Variants in SMARCAD1 observed in about 807,000 individuals in gnomAD.
The protein encoded by SMARCAD1 is SWI/SNF-related matrix-associated actin-dependent regulator of chromatin subfamily A containing DEAD/H box 1.
A neutral mutation model predicts 127.1 loss-of-function variants in SMARCAD1; 25 were observed. The observed-to-expected ratio is 0.20, with a 90% CI of 0.14 to 0.27. SMARCAD1 has a LOEUF of 0.27. SMARCAD1 is among the 10% of genes least tolerant of loss of function. The pLI, the probability that SMARCAD1 is intolerant of heterozygous loss-of-function variation, is 1.00. For missense variants in SMARCAD1, 807 were observed against 1,206.0 expected (o/e 0.67, Z 4.90); for synonymous variants, 400 against 396.9 (o/e 1.01, Z -0.09).
At chr4:94,284,668 A>G (rs1754679265) in intron 22 of SMARCAD1, among the ~76,000 whole-genome samples, 1 of 151,260 alleles carries the variant, frequency 6.6e-6, no homozygotes, top group Non-Finnish European at 1.5e-5. Flanking sequence ...GCTGGCCTCA[A>G]GCAATCCACC....
At chr4:94,289,355 A>AG in intron 23 of SMARCAD1, 118 bp from the exon 24 acceptor site, 1 of 888,196 alleles carries the variant, frequency 1.1e-6, no homozygotes, top group South Asian at 1.5e-5. Flanking sequence ...GTGACACTGA[A>AG]GCAAACTAGC....
intron 3 of SMARCAD1, among the ~76,000 whole-genome samples, chr4:94,228,759 A>G (rs1247997158): frequency 1.3e-5 from 2 of 152,128 alleles, no homozygotes; most frequent in African/African-American, 4.8e-5. Context: ...TCCCTGGACC[A>G]TATTTTCAGT....
At chr4:94,269,943 G>C (rs771291420) in intron 10 of SMARCAD1, among the ~76,000 whole-genome samples, 3 of 151,950 alleles carry the variant, frequency 2.0e-5, no homozygotes, top group Non-Finnish European at 4.4e-5. Context: ...AAAGTGCTGG[G>C]ATTACGGGCA....
At chr4:94,267,940 T>C (rs1751979799) in intron 10 of SMARCAD1, among the ~76,000 whole-genome samples, 1 of 152,152 alleles carries the variant, frequency 6.6e-6, no homozygotes, top group Non-Finnish European at 1.5e-5. Context: ...TAGAAAAGAA[T>C]ATAGGTATCC....
chr4:94,256,941 TGGG>T (rs1214526992), intron 9 of SMARCAD1, among the ~76,000 whole-genome samples: 1 of 152,224 alleles, frequency 6.6e-6, no homozygotes, highest in African/African-American at 2.4e-5. Context: ...TTTTGGTAAG[TGGG>T]GATTTAATGA....
In SMARCAD1 at chr4:94,290,182, GTAAC is replaced by G; in HGVS notation, c.*652_*655del. ...GCACTAAGTTGTTTTCCAGTGAATA[GTAAC>G]TAAAGAAGCCCCTACCTTGCTCCAT... On this transcript the variant is annotated 3_prime_UTR_variant, in exon 24 of 24. Transcript: ENST00000354268. 2.2e-6 allele frequency: 1 copy of G among 454,456 alleles called. No homozygotes were observed. The highest frequency in any genetic ancestry group is 1.6e-5 in the South Asian group (1 of 64,472). The allele number at this position is 454,456 out of a possible 1,614,324, so 28.2% of individuals were successfully genotyped here.
chr4:94,224,069 A>G (rs1247539279), intron 2 of SMARCAD1, among the ~76,000 whole-genome samples: 7 of 152,168 alleles, frequency 4.6e-5, no homozygotes, highest in African/African-American at 9.7e-5. Flanking sequence ...TACTTACTAT[A>G]TAGGAGTTTG....
chr4:94,209,512 C>T (rs957884731), intron 2 of SMARCAD1, among the ~76,000 whole-genome samples: 8 of 152,122 alleles, frequency 5.3e-5, no homozygotes, highest in African/African-American at 1.4e-4. Flanking sequence ...AACTCTGTTT[C>T]GTAAACAGCT....
At chr4:94,286,369 G>A (rs1352473227) in intron 23 of SMARCAD1, among the ~76,000 whole-genome samples, 1 of 152,114 alleles carries the variant, frequency 6.6e-6, no homozygotes. Context: ...TGGCTCTCTT[G>A]GGCAAGCTTT....
intron 5 of SMARCAD1, among the ~76,000 whole-genome samples, chr4:94,237,574 C>T (rs10016925): frequency 0.14 from 21,888 of 151,780 alleles, 1,813 homozygotes; most frequent in Non-Finnish European, 0.19. Flanking sequence ...ACCCACACTT[C>T]ATTAACCACC....
Position 94,281,878 on chromosome 4 carries a change from A to G in SMARCAD1, c.2726+288A>G, listed in dbSNP as rs1048112219. The stretch of plus-strand genomic sequence containing the variant: ...TCTACTAAAAACACCAATAGCAACA[A>G]CAACAACAACAAAAATAGCCAGGTG... On this transcript the variant is annotated intron_variant, in intron 21 of 23. Coordinates refer to ENST00000354268, the MANE Select transcript of SMARCAD1 (RefSeq NM_020159.5). Among the ~76,000 whole-genome samples, 582 of 151,072 alleles carry G rather than the reference A, an allele frequency of 3.9e-3. 5 individuals are homozygous for G. Among genetic ancestry groups the G allele is most frequent in the Non-Finnish European group, 6.1e-3 (414 of 67,734 alleles).
intron 22 of SMARCAD1, among the ~76,000 whole-genome samples, chr4:94,283,685 C>T (rs1398064662): frequency 6.6e-6 from 1 of 151,936 alleles, no homozygotes; most frequent in Non-Finnish European, 1.5e-5. Flanking sequence ...ATTAGCCGGG[C>T]ATGGTGGCGG....
At chr4:94,233,698 A>G (rs1746201295) in intron 3 of SMARCAD1, among the ~76,000 whole-genome samples, 1 of 152,194 alleles carries the variant, frequency 6.6e-6, no homozygotes, top group Admixed American at 6.5e-5. Context: ...AATAAATGCT[A>G]GGAAGTTCCT....
chr4:94,274,297 A>G (rs1029571182), intron 12 of SMARCAD1, among the ~76,000 whole-genome samples: 3 of 152,062 alleles, frequency 2.0e-5, no homozygotes, highest in Admixed American at 6.6e-5. Flanking sequence ...GATAAAAACA[A>G]TCGCCATGGT....
intron 2 of SMARCAD1, among the ~76,000 whole-genome samples, chr4:94,218,307 A>G (rs1346403742): frequency 1.3e-5 from 2 of 150,764 alleles, no homozygotes; most frequent in Admixed American, 1.3e-4. Context: ...TTTTTGAGAT[A>G]GAGTGTCACT....
intron 14 of SMARCAD1, among the ~76,000 whole-genome samples, chr4:94,275,796 C>CTTTTATTTT (rs1553920714): frequency 4.3e-4 from 37 of 85,402 alleles, no homozygotes; most frequent in Admixed American, 2.2e-3. Context: ...TTAACATTTT[C>CTTTTATTTT]TTTTTTTTTT....
Position 94,291,267 on chromosome 4 carries a change from C to T in SMARCAD1, c.*1733C>T, listed in dbSNP as rs752819449. ...CTGTAATGCGCTATTATGTCTTGGG[C>T]TTAATAAAAATATTTGTGATCATAA... On this transcript the variant is annotated 3_prime_UTR_variant, in exon 24 of 24. Coordinates refer to ENST00000354268, the MANE Select transcript of SMARCAD1 (RefSeq NM_020159.5). 2 of 449,076 alleles carry T rather than the reference C, an allele frequency of 4.5e-6. No individual in the cohort carries two copies. The highest frequency in any genetic ancestry group is 3.2e-5 in the South Asian group (2 of 62,622). The allele number at this position is 449,076 out of a possible 1,614,324, so 27.8% of individuals were successfully genotyped here. A position where few individuals can be genotyped will look rare whatever the true frequency, so the allele number is the denominator to read the frequency against.
At chr4:94,267,880 C>G (rs1375231655) in intron 10 of SMARCAD1, among the ~76,000 whole-genome samples, 1 of 151,894 alleles carries the variant, frequency 6.6e-6, no homozygotes, top group Non-Finnish European at 1.5e-5. Context: ...TGTGAAGCGT[C>G]AAAATAGATG....
chr4:94,245,164 C>T (rs1748225035), intron 6 of SMARCAD1, among the ~76,000 whole-genome samples: 1 of 152,124 alleles, frequency 6.6e-6, no homozygotes, highest in Non-Finnish European at 1.5e-5. Flanking sequence ...CTAAGAAAAA[C>T]AGTTTGGACT....
Sources: gnomAD v4.1 joint callset for allele counts (sites outside exome capture counted in the v4.1 genomes callset) on GRCh38, gnomAD v4.1.1 for gene constraint, MANE v1.5 for transcripts, NCBI Gene and HGNC (gene_info 2026-07-23, HGNC 2026-07-21) for gene names.